The following CSMD3 variants were observed in gnomAD, a reference collection of about 807,000 sequenced individuals.
The protein encoded by CSMD3 is CUB and Sushi multiple domains 3.
Under a neutral mutation model 435.2 loss-of-function variants are expected in CSMD3, and 177 were observed. That is an observed-to-expected ratio of 0.41 (90% confidence interval 0.36 to 0.46). The LOEUF is 0.46. Among genes scored for constraint, CSMD3 ranks in the 20% least tolerant of loss-of-function variants. CSMD3 has a pLI of 0.34. For missense variants in CSMD3, 4,265 were observed against 4,504.6 expected (o/e 0.95, Z 1.52); for synonymous variants, 1,656 against 1,520.5 (o/e 1.09, Z -2.07).
intron 18 of CSMD3, 36 bp downstream of exon 18, chr8:112,656,118 A>T: frequency 8.8e-7 from 1 of 1,130,356 alleles, no homozygotes; most frequent in Non-Finnish European, 1.3e-6. Context: ...TAGGGCAAAC[A>T]GAATGAGGAA....
intron 10 of CSMD3, among the ~76,000 whole-genome samples, chr8:112,868,499 A>T (rs2081046550): frequency 6.6e-6 from 1 of 152,168 alleles, no homozygotes; most frequent in African/African-American, 2.4e-5. Context: ...AAAACACATG[A>T]GTAACATGTT....
intron 13 of CSMD3, among the ~76,000 whole-genome samples, chr8:112,711,019 G>A (rs1443137274): frequency 6.6e-6 from 1 of 151,770 alleles, no homozygotes; most frequent in Non-Finnish European, 1.5e-5. Flanking sequence ...TCACTACATT[G>A]AACTAATTGC....
rs546980776 is a variant in CSMD3 at position 112,344,144 on chromosome 8, A to T, written c.6442+1953T>A. On this transcript the variant is annotated intron_variant, in intron 41 of 70. Transcript: ENST00000297405. ...TGATCTGCCCGCATCAGCCTCCCAA[A>T]GTGCTGGGATTACAGGTGTGAGACA... is the stretch of plus-strand genomic sequence containing the variant. Among the ~76,000 whole-genome samples the T allele has an allele frequency of 2.0e-4, 30 of 152,130 alleles. No homozygotes were observed. In the South Asian group the frequency reaches 5.2e-3, roughly 26 times the overall value.
chr8:112,522,415 C>G (rs17885888), intron 27 of CSMD3, among the ~76,000 whole-genome samples: 42,287 of 151,686 alleles, frequency 0.28, 6,234 homozygotes, highest in African/African-American at 0.37. Context: ...ATCTTCTTCA[C>G]TGATCTAAAT....
intron 4 of CSMD3, among the ~76,000 whole-genome samples, chr8:113,151,180 C>T (rs1297980985): frequency 6.6e-6 from 1 of 151,894 alleles, no homozygotes; most frequent in Non-Finnish European, 1.5e-5. Flanking sequence ...CTCTGTGATT[C>T]ACTAACACAA....
chr8:112,865,686 C>CACACA (rs1564039948), intron 10 of CSMD3, among the ~76,000 whole-genome samples: 941 of 43,206 alleles, frequency 0.022, 10 homozygotes, highest in Non-Finnish European at 0.03. Flanking sequence ...TTTACATACC[C>CACACA]CACACACACA....
intron 4 of CSMD3, among the ~76,000 whole-genome samples, chr8:113,135,259 G>T (rs1243966134): frequency 2.0e-5 from 3 of 151,816 alleles, no homozygotes; most frequent in African/African-American, 7.2e-5. Context: ...TTTATAAATT[G>T]CTGATAAATT....
At chr8:113,008,632 C>A (rs1587874912) in intron 6 of CSMD3, among the ~76,000 whole-genome samples, 2 of 151,524 alleles carry the variant, frequency 1.3e-5, no homozygotes, top group Non-Finnish European at 3.0e-5. Context: ...TTATAGGCTA[C>A]ATTTTAACTG....
At chr8:112,294,820 A>G (rs996496733) in intron 54 of CSMD3, among the ~76,000 whole-genome samples, 4 of 152,198 alleles carry the variant, frequency 2.6e-5, no homozygotes, top group African/African-American at 9.6e-5. Context: ...AATTACATAT[A>G]TTCATATGTT....
chr8:113,383,136 G>A (rs1175481274), intron 1 of CSMD3, among the ~76,000 whole-genome samples: 1 of 152,084 alleles, frequency 6.6e-6, no homozygotes, highest in Non-Finnish European at 1.5e-5. Context: ...TAGCACTTAG[G>A]CACAGAGGGA....
rs1204206707 is a variant in CSMD3 at position 113,212,481 on chromosome 8, T to C, written c.515-38565A>G. ...TGGATGTGGCTACAGACTGGATACA[T>C]ACTGAACTACAGCTTTTCTTTCATG... On this transcript the variant is annotated intron_variant, in intron 3 of 70. Coordinates refer to ENST00000297405, the MANE Select transcript of CSMD3 (RefSeq NM_198123.2). Among the ~76,000 whole-genome samples, 3 of 152,300 alleles carry C rather than the reference T, an allele frequency of 2.0e-5. No homozygotes were observed. The South Asian group carries it at 6.2e-4, about 32-fold the overall frequency.
At chr8:112,564,339 CTTCTCCCCTCCT>C (rs1828898667) in intron 24 of CSMD3, among the ~76,000 whole-genome samples, 1 of 150,070 alleles carries the variant, frequency 6.7e-6, no homozygotes, top group African/African-American at 2.5e-5. Flanking sequence ...TCTCCCCTCC[CTTCTCCCCTCCT>C]TTCTCCCCTC....
intron 31 of CSMD3, among the ~76,000 whole-genome samples, chr8:112,484,032 T>TA (rs1437590875): frequency 2.0e-5 from 3 of 152,326 alleles, no homozygotes; most frequent in Admixed American, 1.3e-4. Context: ...TTTAACTCTT[T>TA]ATCTTCTAGA....
chr8:112,958,108 T>C (rs2084096913), intron 7 of CSMD3, among the ~76,000 whole-genome samples: 1 of 152,116 alleles, frequency 6.6e-6, no homozygotes, highest in Non-Finnish European at 1.5e-5. Context: ...TTCCCTTTAT[T>C]GATCGTGAAC....
chr8:112,952,284 T>C (rs2083845791), intron 8 of CSMD3, among the ~76,000 whole-genome samples: 1 of 151,698 alleles, frequency 6.6e-6, no homozygotes, highest in Admixed American at 6.6e-5. Flanking sequence ...GACCTTTAAA[T>C]ACACACATAC....
At position 112,378,520 on chromosome 8, in the gene CSMD3, G is replaced by A. The variant is rs551597181; in HGVS notation, c.6136+1832C>T. ...AATCCTGTTACTTGCAGCAACATGA[G>A]TGGAATTAGAGGATGTTACGTTAAG... On this transcript the variant is annotated intron_variant, in intron 38 of 70. Coordinates refer to ENST00000297405, the MANE Select transcript of CSMD3 (RefSeq NM_198123.2). 1.3e-5 allele frequency among the ~76,000 whole-genome samples: 2 copies of A among 152,254 alleles called. 1 individual carries two copies. The highest frequency in any genetic ancestry group is 4.1e-4 in the South Asian group (2 of 4,820).
At chr8:113,314,368 T>A (rs1015403677) in intron 2 of CSMD3, 1 of 562,134 alleles carries the variant, frequency 1.8e-6, no homozygotes. Context: ...TTGTGAGACA[T>A]AGTATTAATG....
chr8:112,686,396 A>T (rs2131809345), intron 14 of CSMD3, among the ~76,000 whole-genome samples: 1 of 152,338 alleles, frequency 6.6e-6, no homozygotes. Flanking sequence ...AAGCAGAGGA[A>T]AAATAAAGAA....
At chr8:113,397,861 TAAATAAAG>T (rs1459243545) in intron 1 of CSMD3, among the ~76,000 whole-genome samples, 15 of 127,384 alleles carry the variant, frequency 1.2e-4, no homozygotes, top group African/African-American at 3.1e-4. Context: ...AATAAATAAA[TAAATAAAG>T]AACACAGACT....
Sources: gnomAD v4.1 joint callset for allele counts (sites outside exome capture counted in the v4.1 genomes callset) on GRCh38, gnomAD v4.1.1 for gene constraint, MANE v1.5 for transcripts, NCBI Gene and HGNC (gene_info 2026-07-23, HGNC 2026-07-21) for gene names.